STOX2: variants seen among roughly 807,000 people sequenced by gnomAD.
STOX2 encodes storkhead-box protein 2.
A neutral mutation model predicts 60.9 loss-of-function variants in STOX2; 28 were observed. That is an observed-to-expected ratio of 0.46 (90% CI 0.34 to 0.63). The LOEUF (loss-of-function observed/expected upper bound fraction) is 0.63. Ranked by LOEUF, STOX2 falls within the 30% of genes least tolerant of loss-of-function variation. STOX2 has a pLI of 0.01. For synonymous variants in STOX2, 472 were observed against 463.9 expected (o/e 1.02, Z -0.22); for missense variants, 1,024 against 1,187.7 (o/e 0.86, Z 2.03).
chr4:183,893,222 C>T (rs13146917), intron 1 of STOX2, among the ~76,000 whole-genome samples: 6,159 of 152,094 alleles, frequency 0.04, 194 homozygotes, highest in Non-Finnish European at 0.06. Flanking sequence ...ATTTTCCGCT[C>T]GTATCTACTG....
At chr4:183,867,102 G>A (rs1275046326) in intron 1 of STOX2, among the ~76,000 whole-genome samples, 2 of 151,860 alleles carry the variant, frequency 1.3e-5, no homozygotes, top group Non-Finnish European at 2.9e-5. Flanking sequence ...ATGTTGTTTC[G>A]GCTCTAGAGC....
chr4:183,944,950 A>G (rs970016244), intron 1 of STOX2, among the ~76,000 whole-genome samples: 2 of 152,244 alleles, frequency 1.3e-5, no homozygotes, highest in African/African-American at 2.4e-5. Context: ...GATACACAAT[A>G]TAACACCATT....
chr4:183,909,081 T>C (rs553341256), intron 1 of STOX2, among the ~76,000 whole-genome samples: 31 of 152,326 alleles, frequency 2.0e-4, no homozygotes, highest in African/African-American at 7.2e-4. Context: ...ATGGTAAACA[T>C]GATGACAAAC....
chr4:184,002,292 C>T (rs1435701331), intron 2 of STOX2, among the ~76,000 whole-genome samples: 1 of 152,198 alleles, frequency 6.6e-6, no homozygotes, highest in Non-Finnish European at 1.5e-5. Context: ...AGTTTGCCAA[C>T]TTGGTGTGGA....
chr4:183,895,063 G>T (rs1381987894), intron 1 of STOX2, among the ~76,000 whole-genome samples: 2 of 152,142 alleles, frequency 1.3e-5, no homozygotes, highest in Admixed American at 6.5e-5. Flanking sequence ...CATTACGGAG[G>T]CAATGGAGTG....
chr4:183,989,359 C>T (rs998078355), intron 1 of STOX2, among the ~76,000 whole-genome samples: 5 of 151,922 alleles, frequency 3.3e-5, no homozygotes, highest in Admixed American at 6.6e-5. Flanking sequence ...CGTGCCACCA[C>T]GCCTGGCTAA....
chr4:183,861,805 A>G (rs1319168780), intron 1 of STOX2, among the ~76,000 whole-genome samples: 3 of 152,206 alleles, frequency 2.0e-5, no homozygotes, highest in East Asian at 3.8e-4. Flanking sequence ...AAACGCTAAT[A>G]TACCAACAAC....
chr4:183,815,051 GTGCAGCAGTGTGA>G (rs930200252), intron 1 of STOX2, among the ~76,000 whole-genome samples: 1 of 151,992 alleles, frequency 6.6e-6, no homozygotes, highest in Non-Finnish European at 1.5e-5. Context: ...CCACGCTGGA[GTGCAGCAGTGTGA>G]TCATAGCTTG....
chr4:183,868,715 G>A (rs569960548), intron 1 of STOX2, among the ~76,000 whole-genome samples: 3 of 152,290 alleles, frequency 2.0e-5, no homozygotes, highest in South Asian at 2.1e-4. Context: ...TGTCTTACTC[G>A]AATTCAAGAC....
intron 1 of STOX2, among the ~76,000 whole-genome samples, chr4:183,994,086 TTC>T (rs751405801): frequency 6.6e-6 from 1 of 152,220 alleles, no homozygotes; most frequent in Non-Finnish European, 1.5e-5. Context: ...CGAGAAGTTG[TTC>T]ACTTGACTGT....
At chr4:183,977,595 G>T (rs1732493969) in intron 1 of STOX2, among the ~76,000 whole-genome samples, 1 of 122,902 alleles carries the variant, frequency 8.1e-6, no homozygotes, top group African/African-American at 2.7e-5. Flanking sequence ...ATCTGTTAAT[G>T]AACACTTAGG....
At chr4:183,855,024 C>G (rs567190818) in intron 1 of STOX2, among the ~76,000 whole-genome samples, 1 of 152,140 alleles carries the variant, frequency 6.6e-6, no homozygotes, top group Admixed American at 6.5e-5. Context: ...AATGTTTAAG[C>G]AAGAAACTCT....
chr4:183,907,204 G>T (rs1475233832), intron 1 of STOX2, among the ~76,000 whole-genome samples: 2 of 152,204 alleles, frequency 1.3e-5, no homozygotes, highest in Non-Finnish European at 2.9e-5. Flanking sequence ...GGGCGTTTTG[G>T]CTGCAGGGAG....
Position 183,865,466 on chromosome 4 carries a change from G to A in STOX2, c.364+67411G>A, listed in dbSNP as rs559597818. On this transcript the variant is annotated intron_variant, in intron 1 of 2. Transcript: ENST00000513034. This position sits in a 1 kb window ranked among gnomAD's most constrained non-coding sequence, Gnocchi z 4.1. ...GTCAGCATCTATGAATAAAAAGCCCGTATTTTCTCTAAATGAGCTTACGGT... is the reference window on the plus strand; with the variant it reads ...GTCAGCATCTATGAATAAAAAGCCCATATTTTCTCTAAATGAGCTTACGGT... Among the ~76,000 whole-genome samples, 5 of 152,224 alleles carry A rather than the reference G, an allele frequency of 3.3e-5. No individual in the cohort carries two copies. Among genetic ancestry groups the A allele is most frequent in the South Asian group, 2.1e-4 (1 of 4,826 alleles).
intron 1 of STOX2, among the ~76,000 whole-genome samples, chr4:183,887,668 G>A (rs752692964): frequency 1.3e-5 from 2 of 152,196 alleles, no homozygotes; most frequent in Non-Finnish European, 2.9e-5. Context: ...TTTGGACTTC[G>A]CTCAAGGTTA....
Position 183,859,444 on chromosome 4 carries a change from G to A in STOX2, c.364+61389G>A, listed in dbSNP as rs530357977. ...AGGCACCTACAGAGCTCAGCTGGCA[G>A]TGACCAAAGAGGATGACAGCAGGCA... is the stretch of plus-strand genomic sequence containing the variant. On this transcript the variant is annotated intron_variant, in intron 1 of 2. Coordinates refer to the STOX2 transcript ENST00000513034. 3.3e-5 allele frequency among the ~76,000 whole-genome samples: 5 copies of A among 152,376 alleles called. No individual in the cohort carries two copies. The East Asian group carries it at 9.6e-4, about 29-fold the overall frequency.
chr4:183,800,804 T>C (rs886595968), intron 1 of STOX2, among the ~76,000 whole-genome samples: 21 of 152,212 alleles, frequency 1.4e-4, no homozygotes, highest in African/African-American at 5.1e-4. Flanking sequence ...AGTGTCCCAT[T>C]AGATCCTGCC....
chr4:184,001,464 C>A lies in STOX2; in HGVS notation c.306C>A (p.Thr102=), dbSNP rs751387275. The A allele has an allele frequency of 3.1e-6, 5 of 1,613,694 alleles. No homozygotes were observed. The highest frequency in any genetic ancestry group is 2.5e-6 in the Non-Finnish European group (3 of 1,179,814). ...AAGAAGCACTGATGGAGCACCTGAC[C>A]ACGTGCTTCCCAGGTAACGAGGCGG... ...VTQEALMEHL[T]TCFPGVPTPS... is the part of the protein sequence containing the mutation. Residue 102 remains threonine, a synonymous_variant, in exon 2 of 4, where the codon ACC becomes ACA. Coordinates refer to ENST00000308497, the MANE Select transcript of STOX2 (RefSeq NM_020225.3). This position sits in a 1 kb window ranked among gnomAD's most constrained non-coding sequence, Gnocchi z 4.2.
chr4:183,945,046 G>A (rs920066087), intron 1 of STOX2, among the ~76,000 whole-genome samples: 15 of 152,172 alleles, frequency 9.9e-5, no homozygotes, highest in Non-Finnish European at 2.9e-5. Flanking sequence ...AATGTCCTGG[G>A]AGAATTGATG....
Sources: allele counts gnomAD v4.1 joint callset (sites outside exome capture counted in the v4.1 genomes callset), GRCh38; gene constraint gnomAD v4.1.1; non-coding constraint Gnocchi (gnomAD v3.1); transcripts MANE v1.5; gene names NCBI Gene and HGNC (gene_info 2026-07-23, HGNC 2026-07-21).